Variants in UNC5D observed in about 807,000 individuals in gnomAD.
UNC5D encodes the protein unc-5 netrin receptor D.
UNC5D carries 39 observed loss-of-function variants against 105.4 expected under a neutral mutation model. That is an observed-to-expected ratio of 0.37 (90% CI 0.29 to 0.48). The LOEUF (loss-of-function observed/expected upper bound fraction) is 0.48, where lower values mean the gene tolerates loss of function less well. Among genes scored for constraint, UNC5D ranks in the 20% least tolerant of loss-of-function variants. The probability of loss-of-function intolerance (pLI) is 0.98; values close to 1 mark genes in which losing one functional copy is unlikely to be tolerated. For missense variants in UNC5D, 991 were observed against 1,202.4 expected (o/e 0.82, Z 2.60); for synonymous variants, 452 against 450.4 (o/e 1.00, Z -0.04).
chr8:35,312,086 C>A (rs1214069968), intron 1 of UNC5D, among the ~76,000 whole-genome samples: 1 of 152,172 alleles, frequency 6.6e-6, no homozygotes, highest in African/African-American at 2.4e-5. Flanking sequence ...GTTTCCCAAA[C>A]TAACATTGTT....
chr8:35,466,571 T>A (rs757833392), intron 1 of UNC5D, among the ~76,000 whole-genome samples: 14 of 152,196 alleles, frequency 9.2e-5, no homozygotes, highest in Non-Finnish European at 1.8e-4. Context: ...CAAGATGGTG[T>A]TATTTCCTTA....
chr8:35,286,824 CA>C (rs1258859927), intron 1 of UNC5D, among the ~76,000 whole-genome samples: 1 of 152,160 alleles, frequency 6.6e-6, no homozygotes, highest in African/African-American at 2.4e-5. Context: ...GGCTGAGTAA[CA>C]ACCACAAAAA....
chr8:35,307,098 C>G (rs1808480706), intron 1 of UNC5D, among the ~76,000 whole-genome samples: 1 of 148,838 alleles, frequency 6.7e-6, no homozygotes, highest in Admixed American at 6.8e-5. Flanking sequence ...ACTAACACTA[C>G]TGATAGCTGA....
chr8:35,566,553 A>G (rs1350931368), intron 2 of UNC5D, among the ~76,000 whole-genome samples: 1 of 152,224 alleles, frequency 6.6e-6, no homozygotes, highest in Non-Finnish European at 1.5e-5. Context: ...TTGAATTGTT[A>G]AGAGGCACCT....
At chr8:35,471,727 A>G (rs1809742959) in intron 1 of UNC5D, among the ~76,000 whole-genome samples, 1 of 152,190 alleles carries the variant, frequency 6.6e-6, no homozygotes, top group Non-Finnish European at 1.5e-5. Flanking sequence ...GTAGACCACA[A>G]CCATTTCTTT....
chr8:35,613,487 G>A (rs769374353), intron 4 of UNC5D, among the ~76,000 whole-genome samples: 27 of 152,206 alleles, frequency 1.8e-4, no homozygotes, highest in Non-Finnish European at 3.7e-4. Context: ...CCCACTTGGA[G>A]GTTCTGAGCA....
intron 1 of UNC5D, among the ~76,000 whole-genome samples, chr8:35,305,593 C>CTTTCTCTTTCTTTCA (rs1808304202): frequency 1.4e-5 from 2 of 142,022 alleles, no homozygotes; most frequent in Admixed American, 7.0e-5. Context: ...TTCTTTCTTT[C>CTTTCTCTTTCTTTCA]TTTCTTTCTT....
At chr8:35,572,029 G>C (rs1264736256) in intron 3 of UNC5D, among the ~76,000 whole-genome samples, 1 of 152,264 alleles carries the variant, frequency 6.6e-6, no homozygotes, top group Non-Finnish European at 1.5e-5. Flanking sequence ...GCTCACGCCT[G>C]TAATCCCAAC....
Position 35,248,162 on chromosome 8 carries a change from A to G in UNC5D, c.103+12275A>G, listed in dbSNP as rs1276101036. Among the ~76,000 whole-genome samples the G allele has an allele frequency of 6.3e-3, 119 of 19,028 alleles. 10 individuals carry two copies. The highest frequency in any genetic ancestry group is 0.083 in the Middle Eastern group (2 of 24). The allele number at this position is 19,028 out of a possible 152,430, so 12.5% of individuals were successfully genotyped here. The stretch of plus-strand genomic sequence containing the variant: ...TATAAAATATATATAATATATAAAT[A>G]TATATTATATAATATATATAATATA... On this transcript the variant is annotated intron_variant, in intron 1 of 16. Transcript: ENST00000404895.
chr8:35,708,937 A>G (rs935431970), intron 8 of UNC5D, among the ~76,000 whole-genome samples: 1 of 152,066 alleles, frequency 6.6e-6, no homozygotes, highest in Non-Finnish European at 1.5e-5. Context: ...CATCTTCTCT[A>G]TTTCAGGGAA....
intron 1 of UNC5D, among the ~76,000 whole-genome samples, chr8:35,521,059 G>C (rs757568343): frequency 2.1e-4 from 32 of 152,056 alleles, no homozygotes; most frequent in Non-Finnish European, 3.8e-4. Flanking sequence ...ATAGACAAAG[G>C]GTGATGTCAT....
chr8:35,704,583 G>A (rs1827421279), intron 7 of UNC5D, among the ~76,000 whole-genome samples: 1 of 152,210 alleles, frequency 6.6e-6, no homozygotes, highest in African/African-American at 2.4e-5. Flanking sequence ...GTGTGAGTCT[G>A]TGAATGATTA....
At position 35,425,435 on chromosome 8, in the gene UNC5D, T is replaced by C. The variant is rs577845967; in HGVS notation, c.104-123857T>C. ...CTGTTTATCCAGGCACAAAATGTGG[T>C]AAATGCTGATGTGTAAACTCTCCGA... On this transcript the variant is annotated intron_variant, in intron 1 of 16. Transcript: ENST00000404895. Among the ~76,000 whole-genome samples, 23 of 152,286 alleles carry C rather than the reference T, an allele frequency of 1.5e-4. No individual in the cohort carries two copies. The South Asian group carries it at 3.7e-3, about 25-fold the overall frequency.
intron 4 of UNC5D, among the ~76,000 whole-genome samples, chr8:35,638,265 A>T (rs898493970): frequency 1.4e-4 from 22 of 152,252 alleles, no homozygotes; most frequent in Admixed American, 1.4e-3. Flanking sequence ...AAGGAAGGTA[A>T]TCGGAATCAA....
At chr8:35,280,951 A>G (rs543092125) in intron 1 of UNC5D, among the ~76,000 whole-genome samples, 1 of 152,304 alleles carries the variant, frequency 6.6e-6, no homozygotes, top group South Asian at 2.1e-4. Context: ...TATTTATTTC[A>G]AACATATGTG....
Position 35,278,234 on chromosome 8 carries a change from T to A in UNC5D, c.103+42347T>A, listed in dbSNP as rs572615463. On this transcript the variant is annotated intron_variant, in intron 1 of 16. Transcript: ENST00000404895. ...ATGCACTGGGAAAGTCACGTGTGCT[T>A]CCGGCTGCCCTCTGGCCACACTCAT... 7.6e-4 allele frequency among the ~76,000 whole-genome samples: 115 copies of A among 152,292 alleles called. 2 individuals carry two copies. The South Asian group carries it at 0.016, about 21-fold the overall frequency.
At chr8:35,768,817 T>A (rs2131719680) in intron 15 of UNC5D, among the ~76,000 whole-genome samples, 1 of 152,332 alleles carries the variant, frequency 6.6e-6, no homozygotes, top group East Asian at 1.9e-4. Context: ...GATAACATCA[T>A]AATATCTCTT....
chr8:35,585,438 G>A (rs1818724998), intron 3 of UNC5D, among the ~76,000 whole-genome samples: 1 of 152,026 alleles, frequency 6.6e-6, no homozygotes, highest in African/African-American at 2.4e-5. Flanking sequence ...CGTTATTGCT[G>A]TAAGATTTAC....
At chr8:35,512,535 G>GTATATA (rs71887063) in intron 1 of UNC5D, among the ~76,000 whole-genome samples, 1 of 33,430 alleles carries the variant, frequency 3.0e-5, no homozygotes, top group African/African-American at 2.2e-4. Flanking sequence ...ATTCAGATAT[G>GTATATA]TATGTATATA....
Sources: allele counts gnomAD v4.1 joint callset (sites outside exome capture counted in the v4.1 genomes callset), GRCh38; gene constraint gnomAD v4.1.1; transcripts MANE v1.5; gene names NCBI Gene and HGNC (gene_info 2026-07-23, HGNC 2026-07-21).